Variants in ARL13B observed in about 807,000 individuals in gnomAD.
The protein encoded by ARL13B is ADP-ribosylation factor-like protein 13B.
ARL13B carries 36 observed loss-of-function variants against 56.1 expected under a neutral mutation model. The ratio of observed to expected loss-of-function variants is 0.64; its 90% confidence interval spans 0.49 to 0.85. The LOEUF is 0.85. Ranked by LOEUF, ARL13B falls within the 40% of genes least tolerant of loss-of-function variation. The probability of loss-of-function intolerance (pLI) is 0.00; values close to 1 mark genes in which losing one functional copy is unlikely to be tolerated. For synonymous variants in ARL13B, 178 were observed against 171.1 expected (o/e 1.04, Z -0.32); for missense variants, 519 against 507.1 (o/e 1.02, Z -0.23).
rs1189360614 is a variant in ARL13B at position 94,054,478 on chromosome 3, G to A, written c.*1215G>A. The A allele has an allele frequency of 3.1e-5, 11 of 356,324 alleles. No individual in the cohort carries two copies. The East Asian group carries it at 8.4e-4, about 27-fold the overall frequency. 22.1% of individuals were successfully genotyped at this position (356,324 alleles called of 1,614,324 possible). On this transcript the variant is annotated 3_prime_UTR_variant, in exon 10 of 10. Coordinates refer to ENST00000394222, the MANE Select transcript of ARL13B (RefSeq NM_001174150.2). Reference sequence around the variant, plus strand: ...TAGATTCATAATGTTACATTTAATTGAAAACAAACCTTTATATCCAATGAA... The same window carrying A: ...TAGATTCATAATGTTACATTTAATTAAAAACAAACCTTTATATCCAATGAA...
In ARL13B at chr3:94,036,597, TC is replaced by T. The variant is rs1322999665; in HGVS notation, c.534del (p.Ile179LeufsTer19). The T allele has an allele frequency of 6.2e-7, 1 of 1,614,068 alleles. No individual in the cohort carries two copies. Among genetic ancestry groups the T allele is most frequent in the East Asian group, 2.2e-5 (1 of 44,862 alleles). ...ISGYGKKIDK[S>X]IKKGLYWLLH... The stretch of plus-strand genomic sequence containing the variant: ...GGGGTATGGAAAGAAAATTGACAAG[TC>T]CATTAAAAAAGGCCTTTATTGGCTG... On this transcript the variant is annotated frameshift_variant, in exon 5 of 10. Coordinates refer to ENST00000394222, the MANE Select transcript of ARL13B (RefSeq NM_001174150.2). LOFTEE classifies it high-confidence loss of function.
Position 94,053,383 on chromosome 3 carries a change from G to T in ARL13B, c.*120G>T, listed in dbSNP as rs1418934581. ...GGGCAAGATAACCATAATAATTTTAGTGAGAAGATTAATACTCAAGGACCT... is the reference window on the plus strand; with the variant it reads ...GGGCAAGATAACCATAATAATTTTATTGAGAAGATTAATACTCAAGGACCT... On this transcript the variant is annotated 3_prime_UTR_variant, in exon 10 of 10. Transcript: ENST00000394222. 1 of 896,442 alleles carries T rather than the reference G, an allele frequency of 1.1e-6. No homozygotes were observed. Among genetic ancestry groups the T allele is most frequent in the Admixed American group, 1.9e-5 (1 of 51,540 alleles). 55.5% of individuals were successfully genotyped at this position (896,442 alleles called of 1,614,324 possible).
At chr3:94,029,336 T>TATA (rs1559997742) in intron 3 of ARL13B, among the ~76,000 whole-genome samples, 19 of 47,156 alleles carry the variant, frequency 4.0e-4, no homozygotes, top group East Asian at 9.7e-4. Context: ...ATATATATAT[T>TATA]TATTTTTTTT....
rs138808128 is a variant in ARL13B, at chr3:93,982,527, T to C, written c.59+2045T>C. Among the ~76,000 whole-genome samples, 134 of 152,350 alleles carry C rather than the reference T, an allele frequency of 8.8e-4. 1 individual carries two copies. The highest frequency in any genetic ancestry group is 3.0e-3 in the African/African-American group (124 of 41,584). ...TATGATTACATGTTGAAATGATAAC[T>C]TTTGCATATGCTAGGTTAAATAATA... On this transcript the variant is annotated intron_variant, in intron 1 of 9. Transcript: ENST00000394222.
intron 1 of ARL13B, among the ~76,000 whole-genome samples, chr3:93,994,360 C>T (rs2075928627): frequency 6.6e-6 from 1 of 152,108 alleles, no homozygotes; most frequent in African/African-American, 2.4e-5. Context: ...ATAAGGTCTG[C>T]CTTGACCACC....
chr3:93,991,755 G>A lies in ARL13B; in HGVS notation c.60-4119G>A, dbSNP rs140259941. Among the ~76,000 whole-genome samples, 452 of 152,280 alleles carry A rather than the reference G, an allele frequency of 3.0e-3. 2 individuals carry two copies. The highest frequency in any genetic ancestry group is 4.8e-3 in the Non-Finnish European group (329 of 67,998). ...TTATAACCTCTTTATAGAAGTTTGA[G>A]TTTTAGGTGAATGTTAACCTTTTAA... is the stretch of plus-strand genomic sequence containing the variant. On this transcript the variant is annotated intron_variant, in intron 1 of 9. Transcript: ENST00000394222.
At chr3:93,981,113 C>G (rs1172114459) in intron 1 of ARL13B, among the ~76,000 whole-genome samples, 1 of 152,162 alleles carries the variant, frequency 6.6e-6, no homozygotes, top group East Asian at 1.9e-4. Context: ...TGAAAGGGTC[C>G]ACTTTTTAAC....
At chr3:94,026,098 C>A (rs2076551894) in intron 3 of ARL13B, among the ~76,000 whole-genome samples, 2 of 151,468 alleles carry the variant, frequency 1.3e-5, no homozygotes, top group South Asian at 4.2e-4. Flanking sequence ...CGGCTCACTG[C>A]AAGCTCCGCC....
chr3:94,048,053 T>C (rs899979706), intron 7 of ARL13B: 8 of 152,046 alleles, frequency 5.3e-5, no homozygotes, highest in African/African-American at 1.9e-4. Flanking sequence ...TTTTGAAATA[T>C]TGCAGTTACA....
At chr3:94,047,944 A>G (rs1054095909) in intron 7 of ARL13B, 1 of 152,102 alleles carries the variant, frequency 6.6e-6, no homozygotes, top group Non-Finnish European at 1.5e-5. Context: ...GGCTTCACAG[A>G]TATTGTATAT....
Position 94,043,094 on chromosome 3 carries a change from T to C in ARL13B, c.878T>C (p.Met293Thr). 2 of 1,613,386 alleles carry C rather than the reference T, an allele frequency of 1.2e-6. No homozygotes were observed. Among genetic ancestry groups the C allele is most frequent in the Non-Finnish European group, 1.7e-6 (2 of 1,179,890 alleles). Residue 293 changes from methionine to threonine, a missense_variant, in exon 7 of 10, where the codon ATG becomes ACG. Met to Thr is a moderately conservative substitution (Grantham distance 81, BLOSUM62 -1). Transcript: ENST00000394222. ...GATGGCTGCCACCTGAAACATAAAA[T>C]GGAGCATGAGCAAATAGAGACACAA... ...DSDGCHLKHKMEHEQIETQGQ... is the reference protein window; with the variant it reads ...DSDGCHLKHKTEHEQIETQGQ...
intron 7 of ARL13B, among the ~76,000 whole-genome samples, chr3:94,044,463 C>A (rs1350552202): frequency 2.2e-5 from 3 of 139,140 alleles, no homozygotes; most frequent in African/African-American, 8.2e-5. Context: ...CCGGCCACCC[C>A]GTCTGGGAAG....
At position 94,014,302 on chromosome 3, in the gene ARL13B, T is replaced by C. The variant is rs1377994232; in HGVS notation, c.380+10394T>C. 4 of 1,176,282 alleles carry C rather than the reference T, an allele frequency of 3.4e-6. No individual in the cohort carries two copies. In the African/African-American group the frequency reaches 6.2e-5, roughly 18 times the overall value. The allele number at this position is 1,176,282 out of a possible 1,614,324, so 72.9% of individuals were successfully genotyped here. The stretch of plus-strand genomic sequence containing the variant: ...GATGAAAGGTATGTGAGTGGATCCA[T>C]GAGATGGAGAAAAACAATACAAGAC... On this transcript the variant is annotated intron_variant, in intron 3 of 9. Coordinates refer to ENST00000394222, the MANE Select transcript of ARL13B (RefSeq NM_001174150.2).
At chr3:93,999,640 T>G (rs2076022185) in intron 2 of ARL13B, among the ~76,000 whole-genome samples, 1 of 152,220 alleles carries the variant, frequency 6.6e-6, no homozygotes, top group African/African-American at 2.4e-5. Flanking sequence ...CCTGTTGTGC[T>G]TTCAAATACT....
chr3:94,049,848 A>G (rs2077042071), intron 8 of ARL13B, among the ~76,000 whole-genome samples: 1 of 152,034 alleles, frequency 6.6e-6, no homozygotes, highest in East Asian at 1.9e-4. Context: ...GATGGCTAAC[A>G]TGAGTTTTTA....
In ARL13B at chr3:94,053,598, T is replaced by A. The variant is rs1174771337; in HGVS notation, c.*335T>A. 2 of 490,676 alleles carry A rather than the reference T, an allele frequency of 4.1e-6. No homozygotes were observed. Among genetic ancestry groups the A allele is most frequent in the Non-Finnish European group, 7.9e-6 (2 of 251,688 alleles). The allele number at this position is 490,676 out of a possible 1,614,324, so 30.4% of individuals were successfully genotyped here. A position where few individuals can be genotyped will look rare whatever the true frequency, so the allele number is the denominator to read the frequency against. Reference sequence around the variant, plus strand: ...AAGAGCCAATGGACTCAGCACTTTCTTTACTATTTGTTCAATAGCCTATAT... The same window carrying A: ...AAGAGCCAATGGACTCAGCACTTTCATTACTATTTGTTCAATAGCCTATAT... On this transcript the variant is annotated 3_prime_UTR_variant, in exon 10 of 10. Coordinates refer to ENST00000394222, the MANE Select transcript of ARL13B (RefSeq NM_001174150.2).
At chr3:94,039,855 T>G (rs2076832009) in intron 5 of ARL13B, 25 bp from the exon 6 acceptor site, 1 of 1,605,472 alleles carries the variant, frequency 6.2e-7, no homozygotes, top group African/African-American at 1.3e-5. Flanking sequence ...AAAGGAAATT[T>G]CAATTATTTT....
intron 2 of ARL13B, among the ~76,000 whole-genome samples, chr3:94,001,776 T>C (rs1393217750): frequency 6.6e-6 from 1 of 152,204 alleles, no homozygotes; most frequent in Non-Finnish European, 1.5e-5. Context: ...CATAGTTGAT[T>C]TGTTTTCACT....
intron 1 of ARL13B, among the ~76,000 whole-genome samples, chr3:93,982,531 G>A (rs1188538196): frequency 6.6e-6 from 1 of 152,116 alleles, no homozygotes; most frequent in Non-Finnish European, 1.5e-5. Flanking sequence ...GATAACTTTT[G>A]CATATGCTAG....
Sources: allele counts gnomAD v4.1 joint callset (sites outside exome capture counted in the v4.1 genomes callset), GRCh38; gene constraint gnomAD v4.1.1; transcripts MANE v1.5; gene names NCBI Gene and HGNC (gene_info 2026-07-23, HGNC 2026-07-21).